The following KIF2B variants were observed in gnomAD, a reference collection of about 807,000 sequenced individuals.
The protein encoded by KIF2B is kinesin-like protein KIF2B.
Under a neutral mutation model 6.8 loss-of-function variants are expected in KIF2B, and 5 were observed. The observed-to-expected ratio is 0.74, with a 90% CI of 0.39 to 1.55. KIF2B has a LOEUF of 1.55. KIF2B is among the 40% of genes most tolerant of loss of function. KIF2B has a pLI of 0.03. For synonymous variants in KIF2B, 370 were observed against 330.7 expected, an observed-to-expected ratio of 1.12 and a Z score of -1.29; for missense variants, 908 against 831.3, an observed-to-expected ratio of 1.09 and a Z score of -1.13.
rs2143783034 is a variant in KIF2B at position 53,824,009 on chromosome 17, A to C, written c.976A>C (p.Lys326Gln). Residue 326 changes from lysine (K) to glutamine (Q), a missense_variant, in exon 1 of 1, where the codon AAG becomes CAG. Transcript: ENST00000268919. ...DFSGTAQDCSKGIYALVAQDV... is the reference protein window; with the variant it reads ...DFSGTAQDCSQGIYALVAQDV... ...TTCAGGAACGGCCCAAGATTGTTCT[A>C]AGGGCATTTATGCTCTGGTGGCACA... The C allele has an allele frequency of 6.2e-7, 1 of 1,614,224 alleles. No individual in the cohort carries two copies. Among genetic ancestry groups the C allele is most frequent in the Non-Finnish European group, 8.5e-7 (1 of 1,180,046 alleles).
In KIF2B at chr17:53,823,423, C is replaced by T. The variant is rs778212240; in HGVS notation, c.390C>T (p.Ser130=). Residue 130 remains serine, a synonymous_variant, in exon 1 of 1, where the codon AGC becomes AGT. Coordinates refer to ENST00000268919, the MANE Select transcript of KIF2B (RefSeq NM_032559.5). ...PQKNQTASGD[S]LDVRVPSKPC... ...AAAACCAAACAGCCTCAGGGGACAG[C>T]CTGGATGTGAGGGTCCCCAGCAAAC... 18 of 1,614,028 alleles carry T rather than the reference C, an allele frequency of 1.1e-5. No individual in the cohort carries two copies. Among genetic ancestry groups the T allele is most frequent in the East Asian group, 2.2e-5 (1 of 44,868 alleles).
rs1906448081 is a variant in KIF2B, at chr17:53,823,183, C to T, written c.150C>T (p.Asn50=). The change falls in exon 1 of 1, where the codon AAC becomes AAT. Residue 50 remains asparagine, a synonymous_variant. Coordinates refer to ENST00000268919, the MANE Select transcript of KIF2B (RefSeq NM_032559.5). ...ACCTCGCTGTGGTCACGGAGATCAA[C>T]AGAGAAAACTATTGGGTCACGGTAG... is the stretch of plus-strand genomic sequence containing the variant. ...RIHLAVVTEI[N]RENYWVTVEW... is the part of the protein sequence containing the mutation. The T allele has an allele frequency of 6.2e-7, 1 of 1,614,202 alleles. No homozygotes were observed.
Position 53,823,446 on chromosome 17 carries a change from A to C in KIF2B, c.413A>C (p.Lys138Thr). The change falls in exon 1 of 1, where the codon AAA becomes ACA. Residue 138 changes from lysine to threonine, a missense_variant. By Grantham distance (78) the Lys-to-Thr change is moderately conservative. Transcript: ENST00000268919. The part of the protein sequence containing the change: ...GDSLDVRVPS[K>T]PCLMKQKKSP... ...AGCCTGGATGTGAGGGTCCCCAGCA[A>C]ACCTTGTCTGATGAAGCAGAAAAAG... is the stretch of plus-strand genomic sequence containing the variant. 6.2e-7 allele frequency: 1 copy of C among 1,614,130 alleles called. No individual in the cohort carries two copies. Among genetic ancestry groups the C allele is most frequent in the Non-Finnish European group, 8.5e-7 (1 of 1,180,040 alleles).
rs768138818 is a variant in KIF2B at position 53,823,444 on chromosome 17, C to A, written c.411C>A (p.Ser137Arg). The A allele has an allele frequency of 6.2e-7, 1 of 1,614,162 alleles. No individual in the cohort carries two copies. The highest frequency in any genetic ancestry group is 8.5e-7 in the Non-Finnish European group (1 of 1,180,044). ...ACAGCCTGGATGTGAGGGTCCCCAG[C>A]AAACCTTGTCTGATGAAGCAGAAAA... ...SGDSLDVRVP[S>R]KPCLMKQKKS... The change falls in exon 1 of 1, where the codon AGC becomes AGA. Residue 137 changes from serine (S) to arginine (R), a missense_variant. Coordinates refer to ENST00000268919, the MANE Select transcript of KIF2B (RefSeq NM_032559.5).
chr17:53,823,195 T>A lies in KIF2B; in HGVS notation c.162T>A (p.Tyr54Ter), dbSNP rs375840279. Reference sequence around the variant, plus strand: ...TCACGGAGATCAACAGAGAAAACTATTGGGTCACGGTAGAGTGGGTGGAGA... The same window carrying A: ...TCACGGAGATCAACAGAGAAAACTAATGGGTCACGGTAGAGTGGGTGGAGA... The part of the protein sequence containing the change: ...AVVTEINREN[Y>*]WVTVEWVEKA... Residue 54 changes from tyrosine to a stop codon, truncating the protein, a stop_gained, in exon 1 of 1, where the codon TAT becomes TAA. Transcript: ENST00000268919. LOFTEE classifies it low-confidence loss of function (END_TRUNC). 6.2e-7 allele frequency: 1 copy of A among 1,614,032 alleles called. No homozygotes were observed. The highest frequency in any genetic ancestry group is 1.1e-5 in the South Asian group (1 of 91,080).
rs2143783078 is a variant in KIF2B, at chr17:53,824,016, T to A, written c.983T>A (p.Ile328Asn). 3.1e-6 allele frequency: 5 copies of A among 1,614,210 alleles called. No homozygotes were observed. Among genetic ancestry groups the A allele is most frequent in the Non-Finnish European group, 4.2e-6 (5 of 1,180,038 alleles). ...ACGGCCCAAGATTGTTCTAAGGGCA[T>A]TTATGCTCTGGTGGCACAGGATGTC... is the stretch of plus-strand genomic sequence containing the variant. ...SGTAQDCSKG[I>N]YALVAQDVFL... The change falls in exon 1 of 1, where the codon ATT (isoleucine) becomes AAT (asparagine). Residue 328 changes from isoleucine (I) to asparagine (N), a missense_variant. Transcript: ENST00000268919.
chr17:53,825,191 A>G lies in KIF2B; in HGVS notation c.*136A>G, dbSNP rs2143788629. On this transcript the variant is annotated 3_prime_UTR_variant, in exon 1 of 1. Transcript: ENST00000268919. The stretch of plus-strand genomic sequence containing the variant: ...ATCTTAAAATACACTGATGGGAAAC[A>G]TGCTCTTTCTTCTGCCTCTGTATTT... The G allele has an allele frequency of 1.6e-6, 1 of 638,764 alleles. No individual in the cohort carries two copies. The highest frequency in any genetic ancestry group is 2.7e-6 in the Non-Finnish European group (1 of 368,524). The allele number at this position is 638,764 out of a possible 1,614,324, so 39.6% of individuals were successfully genotyped here.
In KIF2B at chr17:53,825,072, T is replaced by A. The variant is rs369999010; in HGVS notation, c.*17T>A. 1.9e-6 allele frequency: 3 copies of A among 1,574,194 alleles called. No individual in the cohort carries two copies. The East Asian group carries it at 6.7e-5, about 35-fold the overall frequency. On this transcript the variant is annotated 3_prime_UTR_variant, in exon 1 of 1. Transcript: ENST00000268919. ...GTAGAGTGAAGCCAATGGCGAGAGA[T>A]CAGGTCCGAAATGCTGCATTGCTGC...
In KIF2B at chr17:53,822,992, C is replaced by A. The variant is rs1906438618; in HGVS notation, c.-42C>A. 2 of 1,565,136 alleles carry A rather than the reference C, an allele frequency of 1.3e-6. No homozygotes were observed. Among genetic ancestry groups the A allele is most frequent in the Admixed American group, 1.7e-5 (1 of 57,712 alleles). Reference sequence around the variant, plus strand: ...TGGCTTGGGTCCTGCTGCTCCAACCCCAAGGGCCCTGGAGCGCTCCCTGAT... The same window carrying A: ...TGGCTTGGGTCCTGCTGCTCCAACCACAAGGGCCCTGGAGCGCTCCCTGAT... On this transcript the variant is annotated 5_prime_UTR_variant, in exon 1 of 1. Coordinates refer to ENST00000268919, the MANE Select transcript of KIF2B (RefSeq NM_032559.5).
Position 53,824,693 on chromosome 17 carries a change from C to T in KIF2B, c.1660C>T (p.His554Tyr), listed in dbSNP as rs2143786532. ...AGATGTAAGGCCCTACCATCGTGGCCACTATCCGATTGGACATGAGGCACC... is the reference window on the plus strand; with the variant it reads ...AGATGTAAGGCCCTACCATCGTGGCTACTATCCGATTGGACATGAGGCACC... ...NVDVRPYHRG[H>Y]YPIGHEAPRM... The change falls in exon 1 of 1, where the codon CAC (histidine) becomes TAC (tyrosine). Residue 554 changes from histidine (H) to tyrosine (Y), a missense_variant. Coordinates refer to ENST00000268919, the MANE Select transcript of KIF2B (RefSeq NM_032559.5). 2 of 1,614,136 alleles carry T rather than the reference C, an allele frequency of 1.2e-6. No homozygotes were observed. The highest frequency in any genetic ancestry group is 1.7e-6 in the Non-Finnish European group (2 of 1,180,018).
rs971647972 is a variant in KIF2B at position 53,823,228 on chromosome 17, C to CA, written c.201dup (p.Gly68ArgfsTer5). 7.4e-6 allele frequency: 12 copies of CA among 1,613,946 alleles called. No individual in the cohort carries two copies. The highest frequency in any genetic ancestry group is 1.0e-5 in the Non-Finnish European group (12 of 1,180,006). On this transcript the variant is annotated frameshift_variant, in exon 1 of 1. Transcript: ENST00000268919. LOFTEE classifies it low-confidence loss of function (END_TRUNC). ...CGGTAGAGTGGGTGGAGAAAGCAGT[C>CA]AAAAAAGGCAAGAAGATTGACCTGG...
In KIF2B at chr17:53,824,801, G is replaced by A. The variant is rs2143787067; in HGVS notation, c.1768G>A (p.Glu590Lys). Residue 590 changes from glutamate to lysine, a missense_variant, in exon 1 of 1, where the codon GAG (glutamate) becomes AAG (lysine). Glu to Lys is a moderately conservative substitution (Grantham distance 56, BLOSUM62 1). Coordinates refer to ENST00000268919, the MANE Select transcript of KIF2B (RefSeq NM_032559.5). ...EFIKIPYVQS[E>K]EQKEIEEVET... ...TATTAAAATACCTTATGTACAGAGT[G>A]AGGAGCAGAAAGAGATTGAAGAGGT... 6.2e-7 allele frequency: 1 copy of A among 1,613,994 alleles called. No individual in the cohort carries two copies. Among genetic ancestry groups the A allele is most frequent in the Non-Finnish European group, 8.5e-7 (1 of 1,179,960 alleles).
rs181862662 is a variant in KIF2B, at chr17:53,823,511, C to G, written c.478C>G (p.Arg160Gly). Residue 160 changes from arginine (R) to glycine (G), a missense_variant, in exon 1 of 1, where the codon CGG becomes GGG. Physicochemically the swap from Arg to Gly is moderately radical, Grantham distance 125 (BLOSUM62 -2). Coordinates refer to ENST00000268919, the MANE Select transcript of KIF2B (RefSeq NM_032559.5). ...LWEIQKLQEQ[R>G]EKRRRLQQEI... Reference sequence around the variant, plus strand: ...GGAAATCCAGAAACTGCAGGAGCAGCGGGAAAAGCGCAGGCGGCTGCAGCA... The same window carrying G: ...GGAAATCCAGAAACTGCAGGAGCAGGGGGAAAAGCGCAGGCGGCTGCAGCA... The G allele has an allele frequency of 6.2e-7, 1 of 1,613,940 alleles. No individual in the cohort carries two copies. The highest frequency in any genetic ancestry group is 8.5e-7 in the Non-Finnish European group (1 of 1,180,032).
rs1906524774 is a variant in KIF2B, at chr17:53,824,912, G to A, written c.1879G>A (p.Ala627Thr). ...ATGGCTGGAAAACATCCAGGAGAGAGCTGGTGGAGTACACCATGATATTGA... is the reference window on the plus strand; with the variant it reads ...ATGGCTGGAAAACATCCAGGAGAGAACTGGTGGAGTACACCATGATATTGA... Reference protein sequence around the residue: ...SQWLENIQERAGGVHHDIDFC... With the variant: ...SQWLENIQERTGGVHHDIDFC... The change falls in exon 1 of 1, where the codon GCT (alanine) becomes ACT (threonine). Residue 627 changes from alanine to threonine, a missense_variant. Ala to Thr is a moderately conservative substitution (Grantham distance 58). Transcript: ENST00000268919. 6.2e-7 allele frequency: 1 copy of A among 1,614,148 alleles called. No individual in the cohort carries two copies. The highest frequency in any genetic ancestry group is 8.5e-7 in the Non-Finnish European group (1 of 1,180,028).
Position 53,824,971 on chromosome 17 carries a change from G to A in KIF2B, c.1938G>A (p.Glu646=), listed in dbSNP as rs1906527351. ...TTGCCCGGTCTTTGTCCATTTTGGA[G>A]CAGAAAATTGATGCTCTGACCGAGA... The part of the protein sequence containing the change: ...FCIARSLSIL[E]QKIDALTEIQ... The change falls in exon 1 of 1, where the codon GAG becomes GAA. Residue 646 remains glutamate (E), a synonymous_variant. Coordinates refer to ENST00000268919, the MANE Select transcript of KIF2B (RefSeq NM_032559.5). The A allele has an allele frequency of 6.2e-7, 1 of 1,614,088 alleles. No individual in the cohort carries two copies. Among genetic ancestry groups the A allele is most frequent in the South Asian group, 1.1e-5 (1 of 91,078 alleles).
Position 53,823,553 on chromosome 17 carries a change from C to A in KIF2B, c.520C>A (p.Arg174Ser), listed in dbSNP as rs769176818. Residue 174 changes from arginine (R) to serine (S), a missense_variant, in exon 1 of 1, where the codon CGC becomes AGC. Physicochemically the swap from Arg to Ser is moderately radical, Grantham distance 110 (BLOSUM62 -1). Transcript: ENST00000268919. ...RRLQQEIRAR[R>S]ALDVNTRNPN... ...GCTGCAGCAGGAGATCCGAGCTAGA[C>A]GCGCCCTCGATGTCAATACCAGAAA... 2 of 1,613,478 alleles carry A rather than the reference C, an allele frequency of 1.2e-6. No individual in the cohort carries two copies. Among genetic ancestry groups the A allele is most frequent in the Admixed American group, 1.7e-5 (1 of 60,024 alleles).
rs1906475681 is a variant in KIF2B, at chr17:53,823,756, C to T, written c.723C>T (p.Asp241=). The T allele has an allele frequency of 6.2e-7, 1 of 1,614,084 alleles. No homozygotes were observed. The highest frequency in any genetic ancestry group is 8.5e-7 in the Non-Finnish European group (1 of 1,180,050). The part of the protein sequence containing the change: ...KDLDIITVPS[D]NVVMVHESKQ... Reference sequence around the variant, plus strand: ...TGGATATCATCACCGTCCCCTCGGACAATGTGGTTATGGTGCATGAGTCCA... The same window carrying T: ...TGGATATCATCACCGTCCCCTCGGATAATGTGGTTATGGTGCATGAGTCCA... Residue 241 remains aspartate, a synonymous_variant, in exon 1 of 1, where the codon GAC becomes GAT. Transcript: ENST00000268919.
chr17:53,822,965 G>C lies in KIF2B; in HGVS notation c.-69G>C. On this transcript the variant is annotated 5_prime_UTR_variant, in exon 1 of 1. Coordinates refer to ENST00000268919, the MANE Select transcript of KIF2B (RefSeq NM_032559.5). Reference sequence around the variant, plus strand: ...CTGCTCAGTGCTCCGGGCGCTTCAGGCTGGCTTGGGTCCTGCTGCTCCAAC... The same window carrying C: ...CTGCTCAGTGCTCCGGGCGCTTCAGCCTGGCTTGGGTCCTGCTGCTCCAAC... 1 of 1,425,862 alleles carries C rather than the reference G, an allele frequency of 7.0e-7. No individual in the cohort carries two copies. Among genetic ancestry groups the C allele is most frequent in the African/African-American group, 1.4e-5 (1 of 70,368 alleles). 88.3% of individuals were successfully genotyped at this position (1,425,862 alleles called of 1,614,324 possible).
chr17:53,823,102 C>G lies in KIF2B; in HGVS notation c.69C>G (p.Phe23Leu), dbSNP rs777744072. 8.7e-6 allele frequency: 14 copies of G among 1,614,184 alleles called. No individual in the cohort carries two copies. The highest frequency in any genetic ancestry group is 3.3e-5 in the South Asian group (3 of 91,078). Residue 23 changes from phenylalanine to leucine, a missense_variant, in exon 1 of 1, where the codon TTC becomes TTG. Coordinates refer to ENST00000268919, the MANE Select transcript of KIF2B (RefSeq NM_032559.5). ...LSPLKPLKPH[F>L]GDIQEGIYVA... The stretch of plus-strand genomic sequence containing the variant: ...CCCTGAAACCCTTGAAGCCACATTT[C>G]GGAGACATCCAAGAGGGCATCTACG...
Sources: allele counts gnomAD v4.1 joint callset, GRCh38; gene constraint gnomAD v4.1.1; transcripts MANE v1.5; gene names NCBI Gene and HGNC (gene_info 2026-07-23, HGNC 2026-07-21).